The following XKR9 variants were observed in gnomAD, a reference collection of about 807,000 sequenced individuals.
XKR9 encodes the protein XK-related protein 9.
In XKR9, 32 loss-of-function variants were observed where a neutral mutation model predicts 32.0. The ratio of observed to expected loss-of-function variants is 1.00; its 90% CI spans 0.76 to 1.34. XKR9 has a LOEUF of 1.34. XKR9 is among the 40% of genes most tolerant of loss of function. The probability of loss-of-function intolerance (pLI) is 0.00; values close to 1 mark genes in which losing one functional copy is unlikely to be tolerated. For missense variants in XKR9, 546 were observed against 429.7 expected (o/e 1.27, Z -2.39); for synonymous variants, 168 against 143.4 (o/e 1.17, Z -1.22).
At chr8:71,003,888 A>G in the XKR9 span, among the ~76,000 whole-genome samples, 1 of 152,230 alleles carries the variant, frequency 6.6e-6, no homozygotes, top group Non-Finnish European at 1.5e-5. Flanking sequence ...GTGTAAACCA[A>G]TAATATTACA....
the XKR9 span, among the ~76,000 whole-genome samples, chr8:70,858,018 G>A: frequency 6.6e-6 from 1 of 152,110 alleles, no homozygotes; most frequent in Admixed American, 6.6e-5. Flanking sequence ...CATACTGAAT[G>A]GGCAAAAACA....
intron 4 of XKR9, among the ~76,000 whole-genome samples, chr8:70,717,211 G>A (rs2132205598): frequency 6.6e-6 from 1 of 152,308 alleles, no homozygotes; most frequent in South Asian, 2.1e-4. Context: ...TGTTAGTGGA[G>A]ATGCCATTCT....
At chr8:70,753,428 A>G (rs915285846) in intron 2 of XKR9, among the ~76,000 whole-genome samples, 1 of 152,122 alleles carries the variant, frequency 6.6e-6, no homozygotes, top group African/African-American at 2.4e-5. Flanking sequence ...GGCCAGCATC[A>G]TCCGGATACC....
At chr8:70,948,875 T>C in the XKR9 span, among the ~76,000 whole-genome samples, 5 of 152,210 alleles carry the variant, frequency 3.3e-5, no homozygotes, top group East Asian at 7.7e-4. Context: ...ACAAGAATTC[T>C]TCAGGAAGTT....
chr8:70,891,974 G>A, the XKR9 span, among the ~76,000 whole-genome samples: 1 of 151,896 alleles, frequency 6.6e-6, no homozygotes, highest in African/African-American at 2.4e-5. Flanking sequence ...ATTGTTATAT[G>A]CTTTTGCTGC....
At chr8:70,824,224 C>A in the XKR9 span, among the ~76,000 whole-genome samples, 26 of 151,958 alleles carry the variant, frequency 1.7e-4, no homozygotes, top group Non-Finnish European at 2.8e-4. Context: ...TTAACTTTAT[C>A]CTCTATTTTA....
chr8:70,971,846 G>A, the XKR9 span, among the ~76,000 whole-genome samples: 1 of 152,022 alleles, frequency 6.6e-6, no homozygotes, highest in African/African-American at 2.4e-5. Flanking sequence ...CCAGTACCAT[G>A]CTGTTGGTGA....
the XKR9 span, among the ~76,000 whole-genome samples, chr8:70,956,020 C>T: frequency 5.3e-5 from 8 of 152,188 alleles, no homozygotes; most frequent in South Asian, 8.3e-4. Context: ...AACCCTGGCT[C>T]GGGAAGCCCC....
At chr8:70,873,459 A>G in the XKR9 span, among the ~76,000 whole-genome samples, 1 of 152,224 alleles carries the variant, frequency 6.6e-6, no homozygotes, top group Non-Finnish European at 1.5e-5. Context: ...AGAAAGTCAA[A>G]ATATCAACAT....
At chr8:70,903,164 T>G in the XKR9 span, among the ~76,000 whole-genome samples, 1 of 152,142 alleles carries the variant, frequency 6.6e-6, no homozygotes, top group Non-Finnish European at 1.5e-5. Flanking sequence ...TAAAATGAGT[T>G]AGGGAGCATT....
At chr8:70,855,959 A>C in the XKR9 span, among the ~76,000 whole-genome samples, 2 of 152,286 alleles carry the variant, frequency 1.3e-5, no homozygotes, top group East Asian at 1.9e-4. Context: ...GCCTGCCCTA[A>C]AAGAGCTCCT....
intron 2 of XKR9, chr8:70,678,208 T>G (rs2132105263): frequency 6.6e-6 from 1 of 152,344 alleles, no homozygotes; most frequent in South Asian, 2.1e-4. Flanking sequence ...CTGTAATTGC[T>G]GATCTTCCTT....
chr8:70,978,715 G>A, the XKR9 span, among the ~76,000 whole-genome samples: 11 of 152,048 alleles, frequency 7.2e-5, no homozygotes, highest in African/African-American at 2.7e-4. Context: ...TATGTATCTT[G>A]TGGTTGCTCT....
chr8:70,794,379 C>T (rs377541231), downstream of XKR9, among the ~76,000 whole-genome samples: 2 of 152,146 alleles, frequency 1.3e-5, no homozygotes, highest in African/African-American at 4.8e-5. Context: ...CTAGGATTTC[C>T]AGTACAATGT....
At chr8:70,845,577 A>G in the XKR9 span, among the ~76,000 whole-genome samples, 1 of 152,228 alleles carries the variant, frequency 6.6e-6, no homozygotes, top group East Asian at 1.9e-4. Flanking sequence ...AAAATTCACC[A>G]GAGGTATAGA....
chr8:71,050,582 T>C, the XKR9 span, among the ~76,000 whole-genome samples: 2 of 152,096 alleles, frequency 1.3e-5, no homozygotes, highest in South Asian at 4.1e-4. Context: ...GAATAGAAGA[T>C]ATGTTTCAAA....
the XKR9 span, among the ~76,000 whole-genome samples, chr8:70,818,985 G>A: frequency 6.6e-6 from 1 of 152,168 alleles, no homozygotes; most frequent in Non-Finnish European, 1.5e-5. Flanking sequence ...GTGCCTCTAA[G>A]GACTGCACTG....
chr8:71,065,018 C>T, the XKR9 span, among the ~76,000 whole-genome samples: 1 of 152,140 alleles, frequency 6.6e-6, no homozygotes, highest in Non-Finnish European at 1.5e-5. Context: ...TTCTCTAAAC[C>T]TCAGTTGTTC....
chr8:70,867,856 C>G, the XKR9 span, among the ~76,000 whole-genome samples: 1 of 152,180 alleles, frequency 6.6e-6, no homozygotes, highest in South Asian at 2.1e-4. Context: ...CTTCTAAAAT[C>G]AAGAGCAGGT....
Sources: gnomAD v4.1 joint callset for allele counts (sites outside exome capture counted in the v4.1 genomes callset) on GRCh38, gnomAD v4.1.1 for gene constraint, MANE v1.5 for transcripts, NCBI Gene and HGNC (gene_info 2026-07-23, HGNC 2026-07-21) for gene names.